The following JUP variants were observed in gnomAD, a reference collection of about 807,000 sequenced individuals.
JUP encodes the protein junction plakoglobin, also known as catenin (cadherin-associated protein), gamma 80kDa.
In JUP, 28 loss-of-function variants were observed where a neutral mutation model predicts 71.1. That is an observed-to-expected ratio of 0.39 (90% CI 0.29 to 0.54). JUP has a LOEUF of 0.54. Among genes scored for constraint, JUP ranks in the 20% least tolerant of loss-of-function variants. The pLI is 0.62. For synonymous variants in JUP, 401 were observed against 438.9 expected (o/e 0.91, Z 1.08); for missense variants, 869 against 1,030.1 (o/e 0.84, Z 2.14).
chr17:41,782,551 A>C (rs2047216281), intron 1 of JUP, among the ~76,000 whole-genome samples: 1 of 152,100 alleles, frequency 6.6e-6, no homozygotes, highest in African/African-American at 2.4e-5. Context: ...CCAAGCTAGG[A>C]GGCAGCACAG....
chr17:41,781,143 T>C (rs1287998781), intron 1 of JUP, among the ~76,000 whole-genome samples: 2 of 142,114 alleles, frequency 1.4e-5, no homozygotes, highest in African/African-American at 5.3e-5. Context: ...ATCGTGCCAC[T>C]GCACTCCAGC....
intron 1 of JUP, among the ~76,000 whole-genome samples, chr17:41,783,285 G>GT (rs143614122): frequency 0.07 from 5,921 of 85,148 alleles, 395 homozygotes; most frequent in African/African-American, 0.21. Flanking sequence ...AATGATACGC[G>GT]TTTTTTTTGT....
chr17:41,773,294 T>C (rs2143761783), intron 1 of JUP, among the ~76,000 whole-genome samples: 1 of 152,288 alleles, frequency 6.6e-6, no homozygotes, highest in South Asian at 2.1e-4. Context: ...TCCCTGTGAC[T>C]GCCCCAGTGC....
intron 7 of JUP, 122 bp from the exon 8 acceptor site, chr17:41,763,443 A>G: frequency 1.5e-6 from 1 of 685,058 alleles, no homozygotes; most frequent in Non-Finnish European, 2.5e-6. Context: ...GTGCCCGGGA[A>G]CTTTCATCCC....
intron 7 of JUP, 116 bp downstream of exon 7, chr17:41,764,597 A>T: frequency 1.3e-6 from 1 of 778,266 alleles, no homozygotes; most frequent in African/African-American, 1.7e-5. Context: ...CTCAGTCACA[A>T]GGAAGAGAGA....
At chr17:41,775,675 G>C (rs2046847410) in intron 1 of JUP, among the ~76,000 whole-genome samples, 1 of 152,210 alleles carries the variant, frequency 6.6e-6, no homozygotes, top group Non-Finnish European at 1.5e-5. Context: ...CCTTTGTTTA[G>C]AGCGTGCTCT....
intron 8 of JUP, 137 bp from the exon 9 acceptor site, chr17:41,759,007 A>C: frequency 1.2e-6 from 1 of 860,964 alleles, no homozygotes; most frequent in East Asian, 2.7e-5. Flanking sequence ...GAAAATATCC[A>C]GAGAAGGAGA....
At chr17:41,770,943 C>T (rs1225673514) in intron 2 of JUP, among the ~76,000 whole-genome samples, 3 of 152,232 alleles carry the variant, frequency 2.0e-5, no homozygotes, top group African/African-American at 4.8e-5. Context: ...CTCCCACAAA[C>T]GTGAGGCTCC....
intron 8 of JUP, among the ~76,000 whole-genome samples, chr17:41,761,045 C>T (rs1914727202): frequency 6.6e-6 from 1 of 152,154 alleles, no homozygotes; most frequent in African/African-American, 2.4e-5. Context: ...CGCTTTCCCC[C>T]ATAACTCTGT....
At chr17:41,777,475 G>A (rs1322262980) in intron 1 of JUP, among the ~76,000 whole-genome samples, 2 of 152,204 alleles carry the variant, frequency 1.3e-5, no homozygotes, top group Non-Finnish European at 2.9e-5. Context: ...TCCCTCTCAG[G>A]CTGGGGCTGC....
rs782465804 is a variant in JUP, at chr17:41,757,708, G to A, written c.1850C>T (p.Ala617Val). ...CCCCTCTGCATCAATGGCGTCGGCC[G>A]CCTCCTTGTCCTGGGCCAGCTCACA... is the stretch of plus-strand genomic sequence containing the variant. ...VLCELAQDKE[A>V]ADAIDAEGAS... The change falls in exon 11 of 14, where the codon GCG becomes GTG. Residue 617 changes from alanine to valine, a missense_variant. By Grantham distance (64) the Ala-to-Val change is moderately conservative. Coordinates refer to ENST00000393931, the MANE Select transcript of JUP (RefSeq NM_002230.4). The A allele has an allele frequency of 3.7e-5, 59 of 1,613,002 alleles. No individual in the cohort carries two copies. Among genetic ancestry groups the A allele is most frequent in the Admixed American group, 2.3e-4 (14 of 59,912 alleles).
chr17:41,775,655 G>T (rs1452651497), intron 1 of JUP, among the ~76,000 whole-genome samples: 1 of 152,194 alleles, frequency 6.6e-6, no homozygotes, highest in Non-Finnish European at 1.5e-5. Context: ...TTTCTGAGTT[G>T]AATGGGGGGC....
rs375451560 is a variant in JUP at position 41,757,502 on chromosome 17, G to A, written c.1959C>T (p.Ser653=). Reference sequence around the variant, plus strand: ...TCCGGTAGTCTGGGTTCTTGTCCTCGGAGATGCGGAACAGGACGGCAGCAG... The same window carrying A: ...TCCGGTAGTCTGGGTTCTTGTCCTCAGAGATGCGGAACAGGACGGCAGCAG... ...TYAAAVLFRI[S]EDKNPDYRKR... is the part of the protein sequence containing the mutation. Residue 653 remains serine, a synonymous_variant, in exon 12 of 14, where the codon TCC becomes TCT. Coordinates refer to ENST00000393931, the MANE Select transcript of JUP (RefSeq NM_002230.4). The A allele has an allele frequency of 9.0e-5, 146 of 1,614,078 alleles. No individual in the cohort carries two copies. Among genetic ancestry groups the A allele is most frequent in the Non-Finnish European group, 1.2e-4 (137 of 1,180,044 alleles).
chr17:41,775,619 A>ACGGGCAGGGACAGAGACAGGG (rs2046843744), intron 1 of JUP, among the ~76,000 whole-genome samples: 1 of 152,144 alleles, frequency 6.6e-6, no homozygotes. Context: ...CCAGCCAGAG[A>ACGGGCAGGGACAGAGACAGGG]CGGGCAGGGA....
chr17:41,778,810 C>T (rs1230780848), intron 1 of JUP, among the ~76,000 whole-genome samples: 1 of 151,888 alleles, frequency 6.6e-6, no homozygotes, highest in Non-Finnish European at 1.5e-5. Context: ...ACTCGGGAGG[C>T]TGAGGCAGGA....
chr17:41,772,598 C>T lies in JUP; in HGVS notation c.-8-736G>A, dbSNP rs782300199. Among the ~76,000 whole-genome samples, 5 of 152,116 alleles carry T rather than the reference C, an allele frequency of 3.3e-5. No individual in the cohort carries two copies. The highest frequency in any genetic ancestry group is 1.3e-4 in the Admixed American group (2 of 15,264). ...AACCTCAGTGTCCTCATCTGTAAAG[C>T]GGGGTCACGCCACCTCCCTCAGAGG... On this transcript the variant is annotated intron_variant, in intron 1 of 13. Transcript: ENST00000393931.
chr17:41,757,818 G>T lies in JUP; in HGVS notation c.1774-34C>A, dbSNP rs8067890. The stretch of plus-strand genomic sequence containing the variant: ...AGGGGACGTGGGAAGCAGGGGAGAG[G>T]TGGAAAGGGGTGAGGCAGGCCGGAC... On this transcript the variant is annotated intron_variant, in intron 10 of 13. Transcript: ENST00000393931. 1,143,655 of 1,578,612 alleles carry T rather than the reference G, an allele frequency of 0.72. 418,237 individuals carry two copies. Among genetic ancestry groups the T allele is most frequent in the Non-Finnish European group, 0.75 (870,611 of 1,160,754 alleles).
Position 41,769,902 on chromosome 17 carries a change from A to C in JUP, c.209-225T>G, listed in dbSNP as rs7405759. Among the ~76,000 whole-genome samples the C allele has an allele frequency of 0.74, 111,012 of 149,944 alleles. 41,321 individuals are homozygous for C. Among genetic ancestry groups the C allele is most frequent in the Middle Eastern group, 0.81 (234 of 288 alleles). On this transcript the variant is annotated intron_variant, in intron 2 of 13. Transcript: ENST00000393931. ...TAGGCCCCACATGTTCTGTCCATCA[A>C]GGGAATTTTTTTTTTTTTTTGCACA... is the stretch of plus-strand genomic sequence containing the variant.
At chr17:41,773,587 G>GC (rs201191557) in intron 1 of JUP, among the ~76,000 whole-genome samples, 2,340 of 152,150 alleles carry the variant, frequency 0.015, 34 homozygotes, top group Non-Finnish European at 0.021. Flanking sequence ...TTCAGAAGGA[G>GC]CCCCCCCAAC....
Sources: gnomAD v4.1 joint callset for allele counts (sites outside exome capture counted in the v4.1 genomes callset) on GRCh38, gnomAD v4.1.1 for gene constraint, MANE v1.5 for transcripts, NCBI Gene and HGNC (gene_info 2026-07-23, HGNC 2026-07-21) for gene names.